GRID1: variants seen among roughly 807,000 people sequenced by gnomAD.
The protein encoded by GRID1 is glutamate ionotropic receptor delta type subunit 1, also known as glutamate receptor ionotropic, delta-1.
A neutral mutation model predicts 98.0 loss-of-function variants in GRID1; 28 were observed. That is an observed-to-expected ratio of 0.29 (90% CI 0.21 to 0.39). The LOEUF is 0.39. Ranked by LOEUF, GRID1 falls within the 10% of genes least tolerant of loss-of-function variation. The pLI, the probability that GRID1 is intolerant of heterozygous loss-of-function variation, is 1.00. For missense variants in GRID1, 1,111 were observed against 1,340.5 expected (o/e 0.83, Z 2.67); for synonymous variants, 553 against 538.5 (o/e 1.03, Z -0.37).
At chr10:86,189,787 T>C (rs1338965679) in intron 3 of GRID1, among the ~76,000 whole-genome samples, 1 of 152,062 alleles carries the variant, frequency 6.6e-6, no homozygotes, top group African/African-American at 2.4e-5. Flanking sequence ...AACACAAATG[T>C]CCCCAGACGC....
At chr10:85,994,703 T>C (rs1842721125) in intron 4 of GRID1, among the ~76,000 whole-genome samples, 1 of 152,242 alleles carries the variant, frequency 6.6e-6, no homozygotes, top group African/African-American at 2.4e-5. Flanking sequence ...GCTGGTCGCC[T>C]GGTAGTCCAG....
intron 4 of GRID1, among the ~76,000 whole-genome samples, chr10:86,052,845 A>G (rs1224929437): frequency 1.3e-5 from 2 of 152,266 alleles, no homozygotes; most frequent in Non-Finnish European, 2.9e-5. Context: ...ACTAATATGT[A>G]TGTGCACACA....
chr10:85,745,694 C>A, intron 8 of GRID1, among the ~76,000 whole-genome samples: 1 of 139,660 alleles, frequency 7.2e-6, no homozygotes, highest in Non-Finnish European at 1.5e-5. Flanking sequence ...GCACAATGTG[C>A]ACATGTACCC....
chr10:86,360,931 G>A (rs532729025), intron 2 of GRID1, among the ~76,000 whole-genome samples: 18 of 152,348 alleles, frequency 1.2e-4, no homozygotes, highest in African/African-American at 4.1e-4. Flanking sequence ...ACTCCACTGA[G>A]AGGTCACTGT....
chr10:85,700,260 T>A (rs545843388), intron 12 of GRID1, among the ~76,000 whole-genome samples: 56 of 152,266 alleles, frequency 3.7e-4, no homozygotes, highest in East Asian at 1.9e-4. Context: ...TACATATAGA[T>A]AATAAAAGAG....
chr10:85,788,645 G>A (rs1244472876), intron 8 of GRID1, among the ~76,000 whole-genome samples: 1 of 152,166 alleles, frequency 6.6e-6, no homozygotes, highest in Non-Finnish European at 1.5e-5. Flanking sequence ...TCATCTTCTG[G>A]GTCACTGATT....
At chr10:85,856,995 T>C (rs1311663005) in intron 6 of GRID1, among the ~76,000 whole-genome samples, 3 of 152,114 alleles carry the variant, frequency 2.0e-5, no homozygotes. Context: ...TGGGTCAGTG[T>C]ACAGGAAGCT....
chr10:85,631,480 A>G (rs1842975021), intron 13 of GRID1, among the ~76,000 whole-genome samples: 1 of 152,196 alleles, frequency 6.6e-6, no homozygotes, highest in Admixed American at 6.5e-5. Context: ...AGTTTTGTTT[A>G]TTGAGCAAAA....
chr10:85,903,058 C>T (rs1241763539), intron 5 of GRID1, among the ~76,000 whole-genome samples: 1 of 152,160 alleles, frequency 6.6e-6, no homozygotes, highest in Non-Finnish European at 1.5e-5. Context: ...CATCCAGTCA[C>T]ATGAGGTTCA....
At chr10:85,982,609 A>G (rs969860238) in intron 4 of GRID1, among the ~76,000 whole-genome samples, 11 of 152,154 alleles carry the variant, frequency 7.2e-5, no homozygotes, top group Non-Finnish European at 1.0e-4. Flanking sequence ...GTGATGTGGG[A>G]TAAGTTGGGA....
In GRID1 at chr10:85,599,695, T is replaced by A. The variant is rs1842542121; in HGVS notation, c.*2578A>T. On this transcript the variant is annotated 3_prime_UTR_variant, in exon 16 of 16. Transcript: ENST00000327946. ...CATGAAAAAAAGATACATTCTGAGC[T>A]GACACAGAAATCTGAGTTGGGAAGT... 6.8e-6 allele frequency: 1 copy of A among 147,586 alleles called. No homozygotes were observed. The allele number at this position is 147,586 out of a possible 1,614,324, so 9.1% of individuals were successfully genotyped here. A position where few individuals can be genotyped will look rare whatever the true frequency, so the allele number is the denominator to read the frequency against.
intron 8 of GRID1, among the ~76,000 whole-genome samples, chr10:85,835,014 G>A (rs7893292): frequency 0.27 from 41,303 of 151,924 alleles, 5,819 homozygotes; most frequent in African/African-American, 0.33. Flanking sequence ...ATACCATGCA[G>A]ACATTAATTT....
chr10:86,033,456 G>T (rs1209859601), intron 4 of GRID1, among the ~76,000 whole-genome samples: 3 of 152,188 alleles, frequency 2.0e-5, no homozygotes, highest in Non-Finnish European at 2.9e-5. Flanking sequence ...GTTGGAGAAG[G>T]CTGGGAATTA....
At chr10:85,704,056 A>G (rs1028055884) in intron 12 of GRID1, among the ~76,000 whole-genome samples, 3 of 152,188 alleles carry the variant, frequency 2.0e-5, no homozygotes, top group Non-Finnish European at 4.4e-5. Context: ...TGAATATTGC[A>G]TAAACTAATG....
intron 12 of GRID1, among the ~76,000 whole-genome samples, chr10:85,700,444 A>G (rs966051832): frequency 6.6e-6 from 1 of 152,140 alleles, no homozygotes; most frequent in African/African-American, 2.4e-5. Context: ...TCTGGGCCAA[A>G]TATGATCTTT....
At chr10:85,658,403 AC>A (rs1204264133) in intron 12 of GRID1, among the ~76,000 whole-genome samples, 2 of 151,664 alleles carry the variant, frequency 1.3e-5, no homozygotes, top group South Asian at 2.1e-4. Flanking sequence ...TATTATTTCT[AC>A]CCCCCTCATT....
intron 4 of GRID1, among the ~76,000 whole-genome samples, chr10:85,937,962 T>C (rs1028851869): frequency 6.6e-6 from 1 of 152,228 alleles, no homozygotes. Flanking sequence ...CTTCTTCCCA[T>C]ACTTATTCAT....
At chr10:85,894,866 G>A (rs7923973) in intron 5 of GRID1, among the ~76,000 whole-genome samples, 44,626 of 151,024 alleles carry the variant, frequency 0.3, 6,908 homozygotes, top group Middle Eastern at 0.4. Flanking sequence ...AAATTAGCCC[G>A]GCATGGTGGT....
At chr10:85,805,042 G>T (rs573469678) in intron 8 of GRID1, among the ~76,000 whole-genome samples, 2 of 151,032 alleles carry the variant, frequency 1.3e-5, no homozygotes, top group African/African-American at 4.9e-5. Context: ...CTGCCCTTTT[G>T]GTCATATATC....
Sources: gnomAD v4.1 joint callset for allele counts (sites outside exome capture counted in the v4.1 genomes callset) on GRCh38, gnomAD v4.1.1 for gene constraint, MANE v1.5 for transcripts, NCBI Gene and HGNC (gene_info 2026-07-23, HGNC 2026-07-21) for gene names.